Variants in NAA11 observed in about 807,000 individuals in gnomAD.
The protein encoded by NAA11 is N-alpha-acetyltransferase 11, NatA catalytic subunit.
A neutral mutation model predicts 16.1 loss-of-function variants in NAA11; 15 were observed. The observed-to-expected ratio is 0.93, with a 90% CI of 0.62 to 1.44. The LOEUF (loss-of-function observed/expected upper bound fraction) is 1.44, where lower values mean the gene tolerates loss of function less well. Among genes scored for constraint, NAA11 ranks in the 40% most tolerant of loss-of-function variants. The pLI, the probability that NAA11 is intolerant of heterozygous loss-of-function variation, is 0.00. For missense variants in NAA11, 298 were observed against 291.3 expected, an observed-to-expected ratio of 1.02 and a Z score of -0.17; for synonymous variants, 122 against 112.4, an observed-to-expected ratio of 1.09 and a Z score of -0.54.
In NAA11 at chr4:79,325,650, G is replaced by A. The variant is rs1041694116; in HGVS notation, c.228C>T (p.Ala76=). The A allele has an allele frequency of 2.5e-6, 4 of 1,614,050 alleles. No homozygotes were observed. The highest frequency in any genetic ancestry group is 2.2e-5 in the South Asian group (2 of 91,076). The part of the protein sequence containing the change: ...DVPHGHITSL[A]VKRSHRRLGL... The stretch of plus-strand genomic sequence containing the variant: ...CGAGGCGCCGGTGTGAACGCTTCAC[G>A]GCCAGTGAGGTGATATGGCCATGCG... The change falls in exon 1 of 2, where the codon GCC becomes GCT. Residue 76 remains alanine (A), a synonymous_variant. Coordinates refer to ENST00000286794, the MANE Select transcript of NAA11 (RefSeq NM_032693.3).
chr4:79,199,106 T>C, the NAA11 span, among the ~76,000 whole-genome samples: 1 of 151,920 alleles, frequency 6.6e-6, no homozygotes, highest in Non-Finnish European at 1.5e-5. Flanking sequence ...CTTGCCTCCC[T>C]GTAGCTGGTC....
the NAA11 span, among the ~76,000 whole-genome samples, chr4:79,161,462 C>A: frequency 6.6e-6 from 1 of 152,002 alleles, no homozygotes; most frequent in Admixed American, 6.5e-5. Flanking sequence ...GTGTGAAACC[C>A]CCAAATTTAT....
At position 79,290,598 on chromosome 4, in the gene NAA11, G is replaced by C. The variant is rs865926635; in HGVS notation, c.*122+3407C>G. On this transcript the variant is annotated intron_variant and NMD_transcript_variant, in intron 2 of 2. Transcript: ENST00000511542. Reference sequence around the variant, plus strand: ...AAATGAAACTCGTTTGAAAACAGTAGGCCCTGGCAGGCACTCTCCCAGGCA... The same window carrying C: ...AAATGAAACTCGTTTGAAAACAGTACGCCCTGGCAGGCACTCTCCCAGGCA... Among the ~76,000 whole-genome samples the C allele has an allele frequency of 1.1e-4, 17 of 152,130 alleles. 1 individual carries two copies. Among genetic ancestry groups the C allele is most frequent in the African/African-American group, 4.1e-4 (17 of 41,404 alleles).
rs541244642 is a variant in NAA11, at chr4:79,292,363, C to T, written c.*122+1642G>A. Among the ~76,000 whole-genome samples the T allele has an allele frequency of 7.9e-5, 12 of 152,220 alleles. No individual in the cohort carries two copies. In the South Asian group the frequency reaches 1.2e-3, roughly 16 times the overall value. On this transcript the variant is annotated intron_variant and NMD_transcript_variant, in intron 2 of 2. Coordinates refer to the NAA11 transcript ENST00000511542. ...TCATGGGTTAAACTCAGTTGTCACC[C>T]GACATCTCCAAACTGATTTTTGACC...
chr4:79,193,410 AAAGG>A, the NAA11 span, among the ~76,000 whole-genome samples: 1 of 152,060 alleles, frequency 6.6e-6, no homozygotes, highest in Non-Finnish European at 1.5e-5. Flanking sequence ...TATAAGGTGT[AAAGG>A]AAGGGATCCA....
intron 1 of NAA11, among the ~76,000 whole-genome samples, chr4:79,324,912 C>T (rs1048286566): frequency 6.6e-6 from 1 of 152,186 alleles, no homozygotes; most frequent in African/African-American, 2.4e-5. Context: ...TGAAATACAA[C>T]TCATGCCCAA....
At chr4:79,268,659 T>G (rs1049091232) in intron 2 of NAA11, among the ~76,000 whole-genome samples, 1 of 152,110 alleles carries the variant, frequency 6.6e-6, no homozygotes, top group African/African-American at 2.4e-5. Flanking sequence ...AATCCTTTCT[T>G]CCTCTAAATT....
chr4:79,273,265 T>C (rs1167533457), intron 2 of NAA11, among the ~76,000 whole-genome samples: 1 of 151,954 alleles, frequency 6.6e-6, no homozygotes, highest in East Asian at 1.9e-4. Flanking sequence ...CACAAGGAAA[T>C]TTTTTAGTTA....
chr4:79,313,733 T>C (rs1723850347), downstream of NAA11, among the ~76,000 whole-genome samples: 1 of 152,174 alleles, frequency 6.6e-6, no homozygotes, highest in Non-Finnish European at 1.5e-5. Context: ...TAGGGAAAAG[T>C]ATTAATATAA....
downstream of NAA11, among the ~76,000 whole-genome samples, chr4:79,224,861 G>A (rs1721275979): frequency 6.6e-6 from 1 of 151,958 alleles, no homozygotes; most frequent in Non-Finnish European, 1.5e-5. Flanking sequence ...TCACAGCCCT[G>A]GACTAATCAT....
the NAA11 span, among the ~76,000 whole-genome samples, chr4:79,206,201 G>A: frequency 6.6e-6 from 1 of 152,058 alleles, no homozygotes; most frequent in Admixed American, 6.6e-5. Flanking sequence ...GCTTTAGGCA[G>A]TATGGTCATT....
In NAA11 at chr4:79,300,361, A is replaced by T. The variant is rs1443222797; in HGVS notation, c.*13-6247T>A. On this transcript the variant is annotated intron_variant and NMD_transcript_variant, in intron 1 of 2. Coordinates refer to the NAA11 transcript ENST00000511542. ...GTTAAAGTCCCAACTTCTGACATTG[A>T]TCTTTGATGTGCCCCCACAATATGG... Among the ~76,000 whole-genome samples, 3 of 152,182 alleles carry T rather than the reference A, an allele frequency of 2.0e-5. No individual in the cohort carries two copies. In the East Asian group the frequency reaches 5.8e-4, roughly 29 times the overall value.
At chr4:79,188,354 G>A in the NAA11 span, among the ~76,000 whole-genome samples, 26 of 152,254 alleles carry the variant, frequency 1.7e-4, no homozygotes, top group Non-Finnish European at 3.5e-4. Flanking sequence ...GGGAGGCCGA[G>A]GCGGGTGGAT....
At chr4:79,295,064 T>C (rs994788456) in intron 1 of NAA11, among the ~76,000 whole-genome samples, 4 of 152,216 alleles carry the variant, frequency 2.6e-5, no homozygotes, top group Non-Finnish European at 5.9e-5. Context: ...AAGAATATAG[T>C]AGACAAGGTT....
At chr4:79,186,843 C>T in the NAA11 span, among the ~76,000 whole-genome samples, 1 of 152,040 alleles carries the variant, frequency 6.6e-6, no homozygotes, top group African/African-American at 2.4e-5. Flanking sequence ...CTGTGAGGCT[C>T]CAAACCTCCA....
At chr4:79,205,794 G>A in the NAA11 span, among the ~76,000 whole-genome samples, 931 of 152,074 alleles carry the variant, frequency 6.1e-3, 11 homozygotes, top group African/African-American at 0.021. Context: ...TATATAAGGT[G>A]AGAGATAGGA....
chr4:79,164,357 TC>T, the NAA11 span, among the ~76,000 whole-genome samples: 1 of 152,336 alleles, frequency 6.6e-6, no homozygotes, highest in East Asian at 1.9e-4. Context: ...GCCTTGGTTT[TC>T]TGTGAACTCT....
chr4:79,217,122 G>T, the NAA11 span, among the ~76,000 whole-genome samples: 1 of 152,172 alleles, frequency 6.6e-6, no homozygotes, highest in African/African-American at 2.4e-5. Context: ...TAGACATATT[G>T]TAAATCACAG....
intron 2 of NAA11, among the ~76,000 whole-genome samples, chr4:79,291,049 A>G (rs1723068951): frequency 6.6e-6 from 1 of 152,204 alleles, no homozygotes; most frequent in Non-Finnish European, 1.5e-5. Context: ...TTTGAAAAAA[A>G]CAGTTTTACT....
Sources: gnomAD v4.1 joint callset for allele counts (sites outside exome capture counted in the v4.1 genomes callset) on GRCh38, gnomAD v4.1.1 for gene constraint, MANE v1.5 for transcripts, NCBI Gene and HGNC (gene_info 2026-07-23, HGNC 2026-07-21) for gene names.